Variants in PLB1 observed in about 807,000 individuals in gnomAD.
PLB1 encodes the protein phospholipase B1, membrane-associated.
In PLB1, 242 loss-of-function variants were observed where a neutral mutation model predicts 227.4. The ratio of observed to expected loss-of-function variants is 1.06; its 90% CI spans 0.96 to 1.18. The LOEUF (loss-of-function observed/expected upper bound fraction) is 1.18, where lower values mean the gene tolerates loss of function less well. PLB1 is among the 50% of genes most tolerant of loss of function. The pLI is 0.00. For synonymous variants in PLB1, 757 were observed against 682.2 expected, an observed-to-expected ratio of 1.11 and a Z score of -1.71; for missense variants, 1,858 against 1,816.3, an observed-to-expected ratio of 1.02 and a Z score of -0.42.
intron 17 of PLB1, among the ~76,000 whole-genome samples, chr2:28,559,212 TGTG>T (rs1266150102): frequency 1.3e-5 from 2 of 152,252 alleles, no homozygotes; most frequent in African/African-American, 4.8e-5. Flanking sequence ...GTTCTGAAAA[TGTG>T]GTACCCAGAC....
intron 43 of PLB1, 26 bp downstream of exon 43, chr2:28,606,593 C>T (rs767285702): frequency 1.1e-5 from 17 of 1,606,092 alleles, no homozygotes; most frequent in Non-Finnish European, 1.4e-5. Context: ...CTGCCTGGCT[C>T]CTCTCCACAA....
rs1669114966 is a variant in PLB1 at position 28,518,448 on chromosome 2, G to A, written c.118-18G>A. ...ATACAAGGCAGTTGATGTTTCTGATGTTCGTTTTCAATTGCAGACCCTGAA... is the reference window on the plus strand; with the variant it reads ...ATACAAGGCAGTTGATGTTTCTGATATTCGTTTTCAATTGCAGACCCTGAA... On this transcript the variant is annotated intron_variant, in intron 2 of 57. Transcript: ENST00000327757. 1.9e-6 allele frequency: 3 copies of A among 1,596,430 alleles called. No individual in the cohort carries two copies. Among genetic ancestry groups the A allele is most frequent in the South Asian group, 1.1e-5 (1 of 90,672 alleles).
intron 21 of PLB1, among the ~76,000 whole-genome samples, chr2:28,575,799 C>T (rs1678823009): frequency 6.6e-6 from 1 of 152,206 alleles, no homozygotes; most frequent in African/African-American, 2.4e-5. Flanking sequence ...GATCTGCCCA[C>T]CTCGGCCTCC....
intron 51 of PLB1, among the ~76,000 whole-genome samples, chr2:28,627,680 T>C (rs968640845): frequency 6.6e-6 from 1 of 152,136 alleles, no homozygotes; most frequent in Admixed American, 6.5e-5. Context: ...ACAGCACTGG[T>C]CCTATGCCCA....
At chr2:28,534,102 C>A (rs1671363222) in intron 9 of PLB1, among the ~76,000 whole-genome samples, 1 of 152,122 alleles carries the variant, frequency 6.6e-6, no homozygotes, top group Non-Finnish European at 1.5e-5. Flanking sequence ...TACTACTGAA[C>A]AGTTTTTTTC....
rs769671125 is a variant in PLB1 at position 28,626,447 on chromosome 2, A to T, written c.3599A>T (p.Asp1200Val). The change falls in exon 51 of 58, where the codon GAC (aspartate) becomes GTC (valine). Residue 1200 changes from aspartate to valine, a missense_variant. By Grantham distance (152) the Asp-to-Val change is radical (BLOSUM62 -3). Coordinates refer to ENST00000327757, the MANE Select transcript of PLB1 (RefSeq NM_153021.5). ...CCTCAGGACATCAACCTGGAGAAAG[A>T]CTGGAAGCTGGTCACACTCTTCATT... ...KNSPDINLEK[D>V]WKLVTLFIGV... The T allele has an allele frequency of 6.2e-7, 1 of 1,614,108 alleles. No homozygotes were observed. Among genetic ancestry groups the T allele is most frequent in the Non-Finnish European group, 8.5e-7 (1 of 1,179,978 alleles).
At chr2:28,509,933 G>A (rs1005368374) in intron 1 of PLB1, among the ~76,000 whole-genome samples, 2 of 152,164 alleles carry the variant, frequency 1.3e-5, no homozygotes, top group African/African-American at 4.8e-5. Context: ...GGGGCCAGAA[G>A]TGAGAGGCAC....
chr2:28,542,251 A>T (rs1345645723), intron 13 of PLB1, among the ~76,000 whole-genome samples: 1 of 152,016 alleles, frequency 6.6e-6, no homozygotes, highest in Non-Finnish European at 1.5e-5. Flanking sequence ...GCTCTCCTGA[A>T]CCCAGGATGC....
chr2:28,546,067 C>G (rs555459484), intron 14 of PLB1, among the ~76,000 whole-genome samples: 3 of 126,108 alleles, frequency 2.4e-5, no homozygotes, highest in South Asian at 2.8e-4. Context: ...AAAGCTCCAC[C>G]CATCAGCATG....
intron 33 of PLB1, among the ~76,000 whole-genome samples, chr2:28,597,715 G>T (rs1283479556): frequency 6.6e-6 from 1 of 152,190 alleles, no homozygotes; most frequent in Non-Finnish European, 1.5e-5. Context: ...TGAAATCACA[G>T]AATCTAGTGC....
intron 9 of PLB1, among the ~76,000 whole-genome samples, chr2:28,536,871 T>C (rs1475875212): frequency 6.6e-6 from 1 of 152,202 alleles, no homozygotes; most frequent in Non-Finnish European, 1.5e-5. Context: ...CAATTCCCTC[T>C]GCAGCTGCAA....
At chr2:28,566,185 A>T (rs1456699897) in intron 19 of PLB1, among the ~76,000 whole-genome samples, 2 of 152,094 alleles carry the variant, frequency 1.3e-5, no homozygotes, top group Non-Finnish European at 2.9e-5. Flanking sequence ...GTTGCAACAC[A>T]GTTAAACCCA....
intron 16 of PLB1, among the ~76,000 whole-genome samples, chr2:28,551,958 A>G (rs575553862): frequency 6.6e-6 from 1 of 152,290 alleles, no homozygotes; most frequent in Non-Finnish European, 1.5e-5. Flanking sequence ...AGCAATAACT[A>G]TTTGTTGAAT....
At chr2:28,503,771 G>T (rs747337315) in intron 1 of PLB1, among the ~76,000 whole-genome samples, 1 of 152,240 alleles carries the variant, frequency 6.6e-6, no homozygotes, top group East Asian at 1.9e-4. Context: ...ACAAATAGAA[G>T]CCACAAAGCC....
At chr2:28,598,800 A>G (rs1343529879) in intron 35 of PLB1, 40 bp downstream of exon 35, 1 of 1,517,838 alleles carries the variant, frequency 6.6e-7, no homozygotes. Context: ...CAGAGCAGGG[A>G]GTGGAATGTG....
intron 33 of PLB1, among the ~76,000 whole-genome samples, chr2:28,597,411 C>G (rs56153418): frequency 0.28 from 37,929 of 136,998 alleles, 4,988 homozygotes; most frequent in East Asian, 0.35. Flanking sequence ...TCTGTGTGTC[C>G]TACTCAATTT....
intron 14 of PLB1, among the ~76,000 whole-genome samples, chr2:28,546,039 T>C (rs1432571296): frequency 1.3e-5 from 2 of 151,482 alleles, no homozygotes; most frequent in Admixed American, 6.6e-5. Context: ...TAGGTGAGCA[T>C]TGAGGACCAG....
intron 1 of PLB1, among the ~76,000 whole-genome samples, chr2:28,501,358 C>T (rs985007837): frequency 6.6e-6 from 1 of 152,110 alleles, no homozygotes; most frequent in African/African-American, 2.4e-5. Context: ...GCCATACTTC[C>T]GTCCTTTAGA....
chr2:28,574,342 C>T (rs113554136), intron 21 of PLB1, among the ~76,000 whole-genome samples: 3 of 99,484 alleles, frequency 3.0e-5, no homozygotes, highest in Admixed American at 1.2e-4. Flanking sequence ...CCTCACCCCC[C>T]CCACCCTTCC....
Sources: gnomAD v4.1 joint callset for allele counts (sites outside exome capture counted in the v4.1 genomes callset) on GRCh38, gnomAD v4.1.1 for gene constraint, MANE v1.5 for transcripts, NCBI Gene and HGNC (gene_info 2026-07-23, HGNC 2026-07-21) for gene names.